Variants in FBXL13 observed in about 807,000 individuals in gnomAD.
FBXL13 encodes F-box and leucine-rich repeat protein 13.
FBXL13 carries 67 observed loss-of-function variants against 83.6 expected under a neutral mutation model. The ratio of observed to expected loss-of-function variants is 0.80; its 90% CI spans 0.66 to 0.98. FBXL13 has a LOEUF of 0.98. Ranked by LOEUF, FBXL13 falls within the 50% of genes least tolerant of loss-of-function variation. The probability of loss-of-function intolerance (pLI) is 0.00; values close to 1 mark genes in which losing one functional copy is unlikely to be tolerated. For missense variants in FBXL13, 822 were observed against 866.5 expected (o/e 0.95, Z 0.64); for synonymous variants, 272 against 299.5 (o/e 0.91, Z 0.95).
intron 6 of FBXL13, among the ~76,000 whole-genome samples, chr7:102,989,740 A>C (rs1524421): frequency 6.6e-6 from 1 of 152,226 alleles, no homozygotes; most frequent in African/African-American, 2.4e-5. Context: ...CTGTATCAGA[A>C]AATATGTCCA....
intron 17 of FBXL13, among the ~76,000 whole-genome samples, chr7:102,835,893 G>A (rs1000591720): frequency 2.0e-5 from 3 of 152,166 alleles, no homozygotes; most frequent in Non-Finnish European, 2.9e-5. Context: ...ACAGGCGTGA[G>A]CCACCGCGCC....
intron 6 of FBXL13, among the ~76,000 whole-genome samples, chr7:103,020,790 C>T (rs1337408212): frequency 1.3e-5 from 2 of 152,176 alleles, no homozygotes; most frequent in African/African-American, 2.4e-5. Context: ...TGTGAAGGAC[C>T]TCTTCGAGGA....
rs144083314 is a variant in FBXL13, at chr7:103,003,044, T to C, written c.495+22019A>G. On this transcript the variant is annotated intron_variant, in intron 6 of 19. Coordinates refer to ENST00000313221, the Ensembl canonical transcript of FBXL13. ...ATGCCAACCACTCTTAGATTTGCTC[T>C]TTAGAGGTTATTCTCTATATCTTGT... 4.4e-3 allele frequency among the ~76,000 whole-genome samples: 675 copies of C among 152,288 alleles called. 6 individuals carry two copies. Among genetic ancestry groups the C allele is most frequent in the African/African-American group, 0.016 (647 of 41,560 alleles).
At chr7:102,950,874 G>A (rs1201173504) in intron 8 of FBXL13, among the ~76,000 whole-genome samples, 1 of 152,140 alleles carries the variant, frequency 6.6e-6, no homozygotes, top group Non-Finnish European at 1.5e-5. Context: ...TGACCAAGCA[G>A]AGCACAGAGG....
intron 14 of FBXL13, 120 bp from the exon 16 acceptor site, chr7:102,878,570 T>C (rs1329997717): frequency 1.8e-5 from 10 of 551,456 alleles, no homozygotes; most frequent in Middle Eastern, 5.1e-4. Context: ...ATCTATATAC[T>C]GGTATTTTGT....
intron 8 of FBXL13, among the ~76,000 whole-genome samples, chr7:102,958,194 A>G (rs1339796463): frequency 3.3e-5 from 5 of 152,194 alleles, no homozygotes; most frequent in Admixed American, 3.3e-4. Context: ...ACACCATGGA[A>G]TACTATGCAG....
chr7:103,003,309 A>T (rs1790629509), intron 6 of FBXL13, among the ~76,000 whole-genome samples: 2 of 76,768 alleles, frequency 2.6e-5, no homozygotes, highest in Middle Eastern at 0.012. Flanking sequence ...TTTTTTTGAG[A>T]CAGACTCTCA....
intron 10 of FBXL13, among the ~76,000 whole-genome samples, chr7:102,915,864 A>G (rs767967942): frequency 7.2e-5 from 11 of 152,244 alleles, no homozygotes; most frequent in Non-Finnish European, 1.5e-4. Context: ...ATAACAATTG[A>G]AATGTGATAA....
At position 102,913,303 on chromosome 7, in the gene FBXL13, A is replaced by G. The variant is rs1584904107; in HGVS notation, c.879-88T>C. On this transcript the variant is annotated intron_variant, in intron 10 of 19. Coordinates refer to ENST00000313221, the Ensembl canonical transcript of FBXL13. ...AAGCCACTATGACAAAGAAAACTGT[A>G]AATTCAACTCTTCTTCTTGCAGATG... 16 of 1,511,780 alleles carry G rather than the reference A, an allele frequency of 1.1e-5. No individual in the cohort carries two copies. The East Asian group carries it at 3.6e-4, about 34-fold the overall frequency. The allele number at this position is 1,511,780 out of a possible 1,614,324, so 93.6% of individuals were successfully genotyped here.
intron 18 of FBXL13, among the ~76,000 whole-genome samples, chr7:102,829,693 C>T (rs1800315623): frequency 6.6e-6 from 1 of 152,144 alleles, no homozygotes. Flanking sequence ...GGTCACAGTA[C>T]TACTAACTGA....
intron 6 of FBXL13, among the ~76,000 whole-genome samples, chr7:102,975,302 A>T (rs1259937725): frequency 6.6e-6 from 1 of 152,172 alleles, no homozygotes; most frequent in African/African-American, 2.4e-5. Context: ...GAGTTTCAGT[A>T]CCTCACCCAG....
intron 1 of FBXL13, among the ~76,000 whole-genome samples, chr7:103,068,213 G>A (rs1223073910): frequency 6.6e-6 from 1 of 152,174 alleles, no homozygotes; most frequent in Non-Finnish European, 1.5e-5. Context: ...AAAGGAAGAT[G>A]GTGAGCCAGA....
intron 1 of FBXL13, among the ~76,000 whole-genome samples, chr7:103,072,096 T>C (rs778111286): frequency 1.3e-5 from 2 of 151,688 alleles, no homozygotes; most frequent in Non-Finnish European, 2.9e-5. Context: ...GGCAGGAGAA[T>C]CGCTTGAACC....
intron 14 of FBXL13, among the ~76,000 whole-genome samples, 174 bp downstream of exon 15, chr7:102,883,131 C>T (rs1442570794): frequency 1.3e-5 from 2 of 151,542 alleles, no homozygotes; most frequent in African/African-American, 4.9e-5. Context: ...TATAATCAAC[C>T]TGGGTTGGGA....
intron 8 of FBXL13, among the ~76,000 whole-genome samples, chr7:102,953,660 G>A (rs928321316): frequency 2.6e-5 from 4 of 152,076 alleles, no homozygotes; most frequent in African/African-American, 9.7e-5. Context: ...TCTTTAAAAT[G>A]GTTAAAAAGG....
chr7:103,032,672 T>C (rs1794626742), intron 2 of FBXL13, among the ~76,000 whole-genome samples: 1 of 152,198 alleles, frequency 6.6e-6, no homozygotes, highest in Non-Finnish European at 1.5e-5. Context: ...GTATGAGGTG[T>C]GGAGGTGGGA....
chr7:102,898,183 C>CAT (rs141630061), intron 11 of FBXL13, among the ~76,000 whole-genome samples: 4,381 of 152,096 alleles, frequency 0.029, 178 homozygotes, highest in East Asian at 0.16. Flanking sequence ...CACACACATA[C>CAT]ATATATATGT....
At position 102,926,255 on chromosome 7, in the gene FBXL13, C is replaced by T. The variant is rs764383717; in HGVS notation, c.878+19G>A. The T allele has an allele frequency of 1.1e-5, 17 of 1,605,386 alleles. No homozygotes were observed. In the South Asian group the frequency reaches 1.3e-4, roughly 13 times the overall value. ...GAGCATAATTTTTTTCAGTGTCATA[C>T]AAATAACACAAACATTACCTCGGCA... On this transcript the variant is annotated intron_variant, in intron 10 of 19. Coordinates refer to ENST00000313221, the Ensembl canonical transcript of FBXL13.
chr7:102,860,351 C>G (rs1365155895), intron 16 of FBXL13, among the ~76,000 whole-genome samples: 1 of 152,144 alleles, frequency 6.6e-6, no homozygotes, highest in Non-Finnish European at 1.5e-5. Flanking sequence ...AAGAGTTTCA[C>G]AGAGGAAGGA....
Sources: gnomAD v4.1 joint callset for allele counts (sites outside exome capture counted in the v4.1 genomes callset) on GRCh38, gnomAD v4.1.1 for gene constraint, MANE v1.5 for transcripts, NCBI Gene and HGNC (gene_info 2026-07-23, HGNC 2026-07-21) for gene names.